Variants in SDK1 observed in about 807,000 individuals in gnomAD.
SDK1 encodes the protein sidekick cell adhesion molecule 1.
SDK1 carries 157 observed loss-of-function variants against 245.5 expected under a neutral mutation model. The ratio of observed to expected loss-of-function variants is 0.64; its 90% confidence interval spans 0.56 to 0.73. The LOEUF is 0.73. Ranked by LOEUF, SDK1 falls within the 30% of genes least tolerant of loss-of-function variation. The pLI is 0.00. For missense variants in SDK1, 3,583 were observed against 3,002.3 expected (o/e 1.19, Z -4.52); for synonymous variants, 1,647 against 1,278.5 (o/e 1.29, Z -6.15).
chr7:4,238,064 C>G (rs117939179), intron 42 of SDK1, among the ~76,000 whole-genome samples: 4 of 151,676 alleles, frequency 2.6e-5, no homozygotes, highest in African/African-American at 9.7e-5. Context: ...GATCCCCACT[C>G]TGTACCTTTG....
Position 4,208,299 on chromosome 7 carries a change from G to A in SDK1, c.5401+14G>A, listed in dbSNP as rs1304118946. The A allele has an allele frequency of 1.2e-5, 20 of 1,610,296 alleles. No individual in the cohort carries two copies. The highest frequency in any genetic ancestry group is 6.7e-5 in the East Asian group (3 of 44,812). ...CCCACCAGGCCGGTAGGAGGAAGGCGGGTTTCCTTTGGGCAGGCCTCCTTG... is the reference window on the plus strand; with the variant it reads ...CCCACCAGGCCGGTAGGAGGAAGGCAGGTTTCCTTTGGGCAGGCCTCCTTG... On this transcript the variant is annotated intron_variant, in intron 37 of 44. Transcript: ENST00000404826.
intron 1 of SDK1, among the ~76,000 whole-genome samples, chr7:3,398,749 T>TA (rs1244831263): frequency 1.3e-5 from 2 of 149,754 alleles, no homozygotes; most frequent in African/African-American, 4.9e-5. Flanking sequence ...ATGGGTCCCC[T>TA]AAGACTGAGC....
rs1479810259 is a variant in SDK1, at chr7:3,916,159, G to A, written c.848-34764G>A. On this transcript the variant is annotated intron_variant, in intron 5 of 44. Transcript: ENST00000404826. The stretch of plus-strand genomic sequence containing the variant: ...CAAGAGTAGCGGGGGGTGGGAAAGA[G>A]GGAGGGAGAGGAGGCAATGAGGCCA... 4.6e-5 allele frequency among the ~76,000 whole-genome samples: 7 copies of A among 152,344 alleles called. No individual in the cohort carries two copies. In the East Asian group the frequency reaches 9.6e-4, roughly 21 times the overall value.
Position 4,051,804 on chromosome 7 carries a change from C to T in SDK1, c.2885C>T (p.Pro962Leu). Residue 962 changes from proline (P) to leucine (L), a missense_variant, in exon 19 of 45, where the codon CCT becomes CTT. Physicochemically the swap from Pro to Leu is moderately conservative, Grantham distance 98. Coordinates refer to ENST00000404826, the MANE Select transcript of SDK1 (RefSeq NM_152744.4). ...CCTGGGGACGGGCCTCCCAGCACACCTCAGCTGGTCTGGACTCAGGAAGAC... is the reference window on the plus strand; with the variant it reads ...CCTGGGGACGGGCCTCCCAGCACACTTCAGCTGGTCTGGACTCAGGAAGAC... ...TTPGDGPPST[P>L]QLVWTQEDKP... The T allele has an allele frequency of 1.2e-6, 2 of 1,613,140 alleles. No homozygotes were observed. The highest frequency in any genetic ancestry group is 1.7e-6 in the Non-Finnish European group (2 of 1,179,596).
chr7:3,856,441 T>A (rs1780547177), intron 5 of SDK1, among the ~76,000 whole-genome samples: 1 of 148,186 alleles, frequency 6.7e-6, no homozygotes, highest in African/African-American at 2.5e-5. Flanking sequence ...CAAGACTAAC[T>A]TCAACCCAAC....
chr7:4,051,700 C>T lies in SDK1; in HGVS notation c.2781C>T (p.Phe927=). Residue 927 remains phenylalanine, a synonymous_variant, in exon 19 of 45, where the codon TTC becomes TTT. Transcript: ENST00000404826. ...CTGTGGTCACTATTGCCCCAGATTT[C>T]CACGGAGTCCACCATGGACACATAA... is the stretch of plus-strand genomic sequence containing the variant. The part of the protein sequence containing the change: ...AVTVVTIAPD[F]HGVHHGHITN... The T allele has an allele frequency of 1.2e-6, 2 of 1,613,736 alleles. No individual in the cohort carries two copies. Among genetic ancestry groups the T allele is most frequent in the South Asian group, 2.2e-5 (2 of 90,964 alleles).
intron 9 of SDK1, 24 bp from the exon 10 acceptor site, chr7:3,967,294 C>A: frequency 6.4e-7 from 1 of 1,572,962 alleles, no homozygotes; most frequent in Non-Finnish European, 8.8e-7. Context: ...AGGCCCTGAT[C>A]ATTTCATTTA....
chr7:3,642,152 CT>C, intron 4 of SDK1, 47 bp downstream of exon 4: 1 of 1,575,822 alleles, frequency 6.3e-7, no homozygotes, highest in Admixed American at 1.7e-5. Flanking sequence ...TGTAATGTCA[CT>C]TGCTGGCACC....
chr7:3,470,707 G>C (rs570139662), intron 1 of SDK1, among the ~76,000 whole-genome samples: 1 of 152,278 alleles, frequency 6.6e-6, no homozygotes, highest in African/African-American at 2.4e-5. Flanking sequence ...ACAGAAAATA[G>C]GGTGCCAGCA....
chr7:3,659,176 T>C (rs944922848), intron 4 of SDK1, among the ~76,000 whole-genome samples: 1 of 152,184 alleles, frequency 6.6e-6, no homozygotes, highest in African/African-American at 2.4e-5. Context: ...GGGTTCTTTT[T>C]TGGTGCCTTT....
chr7:4,071,119 G>A (rs1033004970), intron 20 of SDK1, among the ~76,000 whole-genome samples: 9 of 152,130 alleles, frequency 5.9e-5, no homozygotes, highest in African/African-American at 1.2e-4. Flanking sequence ...TCCGCCTCCC[G>A]GTTCAAATGA....
intron 4 of SDK1, among the ~76,000 whole-genome samples, chr7:3,707,674 T>G (rs867507115): frequency 6.6e-6 from 1 of 152,154 alleles, no homozygotes; most frequent in Non-Finnish European, 1.5e-5. Flanking sequence ...TTATCGTGTT[T>G]CTGTTTATCT....
intron 1 of SDK1, among the ~76,000 whole-genome samples, chr7:3,324,356 T>G (rs1779890682): frequency 6.6e-6 from 1 of 152,214 alleles, no homozygotes; most frequent in Non-Finnish European, 1.5e-5. Flanking sequence ...TTAGAATATT[T>G]ACTAGTACCC....
chr7:3,502,230 T>A (rs993023759), intron 1 of SDK1, among the ~76,000 whole-genome samples: 2 of 151,814 alleles, frequency 1.3e-5, no homozygotes, highest in Admixed American at 1.3e-4. Context: ...AAGATTTTTT[T>A]TTAATTAATT....
At chr7:4,234,160 G>C (rs894000983) in intron 41 of SDK1, among the ~76,000 whole-genome samples, 5 of 152,220 alleles carry the variant, frequency 3.3e-5, no homozygotes, top group Non-Finnish European at 7.3e-5. Context: ...GAGGGGCCGG[G>C]GATAGTAGCT....
intron 5 of SDK1, among the ~76,000 whole-genome samples, chr7:3,829,453 A>C (rs1224871313): frequency 6.6e-6 from 1 of 152,216 alleles, no homozygotes; most frequent in Admixed American, 6.5e-5. Flanking sequence ...GTTAACAATC[A>C]ACTCTGTTTC....
intron 2 of SDK1, among the ~76,000 whole-genome samples, chr7:3,629,561 C>T (rs1401162437): frequency 6.6e-6 from 1 of 152,164 alleles, no homozygotes; most frequent in Non-Finnish European, 1.5e-5. Context: ...TATCAGATAG[C>T]CTGCACAGAG....
rs1781340991 is a variant in SDK1, at chr7:3,604,141, TC to T, written c.299-14938del. 4.6e-5 allele frequency among the ~76,000 whole-genome samples: 7 copies of T among 152,310 alleles called. No individual in the cohort carries two copies. In the South Asian group the frequency reaches 1.4e-3, roughly 32 times the overall value. On this transcript the variant is annotated intron_variant, in intron 1 of 44. Coordinates refer to ENST00000404826, the MANE Select transcript of SDK1 (RefSeq NM_152744.4). ...TTCATCAAGGCTATTGGTCTAAAAT[TC>T]TCTTTTTTGGTTGTGTCTCTGCCAG... is the stretch of plus-strand genomic sequence containing the variant.
chr7:3,351,776 G>A (rs1450960629), intron 1 of SDK1, among the ~76,000 whole-genome samples: 2 of 152,100 alleles, frequency 1.3e-5, no homozygotes, highest in African/African-American at 2.4e-5. Context: ...AAAAATAGCT[G>A]AATGCACAAT....
Sources: allele counts gnomAD v4.1 joint callset (sites outside exome capture counted in the v4.1 genomes callset), GRCh38; gene constraint gnomAD v4.1.1; transcripts MANE v1.5; gene names NCBI Gene and HGNC (gene_info 2026-07-23, HGNC 2026-07-21).